TBC1D30: variants seen among roughly 807,000 people sequenced by gnomAD.
TBC1D30 encodes TBC1 domain family, member 30.
A neutral mutation model predicts 63.2 loss-of-function variants in TBC1D30; 31 were observed. The ratio of observed to expected loss-of-function variants is 0.49; its 90% CI spans 0.37 to 0.66. The LOEUF (loss-of-function observed/expected upper bound fraction) is 0.66, where lower values mean the gene tolerates loss of function less well. Among genes scored for constraint, TBC1D30 ranks in the 30% least tolerant of loss-of-function variants. The pLI is 0.00. For synonymous variants in TBC1D30, 307 were observed against 361.5 expected (o/e 0.85, Z 1.71); for missense variants, 810 against 953.6 (o/e 0.85, Z 1.98).
At chr12:64,827,319 C>T (rs1218779837) in intron 1 of TBC1D30, among the ~76,000 whole-genome samples, 2 of 152,122 alleles carry the variant, frequency 1.3e-5, no homozygotes, top group African/African-American at 2.4e-5. Context: ...CGTGGTAGCA[C>T]GTGCCTATAA....
rs189306082 is a variant in TBC1D30 at position 64,819,520 on chromosome 12, G to A, written c.644-8315G>A. Among the ~76,000 whole-genome samples, 1,184 of 146,432 alleles carry A rather than the reference G, an allele frequency of 8.1e-3. 20 individuals carry two copies. Among genetic ancestry groups the A allele is most frequent in the African/African-American group, 0.028 (1,104 of 39,874 alleles). ...CAAGCTCCGCCTCCCAGGTTCAAGC[G>A]ATTCTCCTGCCTCAGCCTCCCAAGT... On this transcript the variant is annotated intron_variant, in intron 2 of 12. Coordinates refer to the TBC1D30 transcript ENST00000542120.
intron 2 of TBC1D30, among the ~76,000 whole-genome samples, chr12:64,813,398 C>T (rs1481346085): frequency 6.6e-6 from 1 of 151,996 alleles, no homozygotes; most frequent in East Asian, 1.9e-4. Flanking sequence ...ACAACAACAA[C>T]AACAACAACA....
chr12:64,776,324 GT>G (rs1234816464), upstream of TBC1D30, among the ~76,000 whole-genome samples: 4 of 151,588 alleles, frequency 2.6e-5, no homozygotes, highest in Non-Finnish European at 4.4e-5. Context: ...CCAGGAGCTA[GT>G]TTTTTTTGAA....
At chr12:64,792,733 G>C (rs1395236894) in intron 2 of TBC1D30, among the ~76,000 whole-genome samples, 1 of 152,082 alleles carries the variant, frequency 6.6e-6, no homozygotes, top group Non-Finnish European at 1.5e-5. Flanking sequence ...ACCACACCCA[G>C]CTAATTTTTT....
At chr12:64,795,619 TG>T (rs1872207535) in intron 2 of TBC1D30, among the ~76,000 whole-genome samples, 1 of 152,176 alleles carries the variant, frequency 6.6e-6, no homozygotes, top group Admixed American at 6.5e-5. Flanking sequence ...CCTGTTAGTT[TG>T]GGATTTGGCT....
At position 64,876,662 on chromosome 12, in the gene TBC1D30, G is replaced by A; in HGVS notation, c.*874G>A. 2.5e-6 allele frequency: 1 copy of A among 401,918 alleles called. No individual in the cohort carries two copies. 24.9% of individuals were successfully genotyped at this position (401,918 alleles called of 1,614,324 possible). A position where few individuals can be genotyped will look rare whatever the true frequency, so the allele number is the denominator to read the frequency against. On this transcript the variant is annotated 3_prime_UTR_variant, in exon 12 of 12. Coordinates refer to ENST00000539867, the MANE Select transcript of TBC1D30 (RefSeq NM_015279.2). ...ACTCACCCACCAGCTCTAGACTGCA[G>A]ACGCACAAGGCCTCTGCTCAGAAGC...
intron 8 of TBC1D30, among the ~76,000 whole-genome samples, chr12:64,861,058 T>C (rs1405239587): frequency 6.6e-6 from 1 of 152,234 alleles, no homozygotes; most frequent in Non-Finnish European, 1.5e-5. Context: ...GGAACCACTT[T>C]GACACTGCTT....
intron 8 of TBC1D30, among the ~76,000 whole-genome samples, chr12:64,851,655 T>C (rs917867555): frequency 4.6e-5 from 7 of 152,304 alleles, no homozygotes; most frequent in African/African-American, 1.7e-4. Context: ...TTTACAGTGG[T>C]TGGTACCAGT....
intron 6 of TBC1D30, among the ~76,000 whole-genome samples, chr12:64,837,603 G>A (rs932992022): frequency 2.0e-5 from 3 of 152,162 alleles, no homozygotes; most frequent in African/African-American, 7.2e-5. Context: ...GGGAGTGGCT[G>A]TAAATACAGA....
intron 8 of TBC1D30, among the ~76,000 whole-genome samples, chr12:64,852,780 C>T (rs1391828309): frequency 1.3e-5 from 2 of 152,274 alleles, no homozygotes; most frequent in African/African-American, 4.8e-5. Context: ...GTTGGAGGTC[C>T]ACTCCAGACC....
At chr12:64,805,154 T>G (rs1392868885) in intron 2 of TBC1D30, among the ~76,000 whole-genome samples, 2 of 152,216 alleles carry the variant, frequency 1.3e-5, no homozygotes, top group African/African-American at 4.8e-5. Context: ...TAAGCTGAGA[T>G]CATGCCATTG....
chr12:64,781,540 G>A (rs1871289002), intron 1 of TBC1D30, among the ~76,000 whole-genome samples: 1 of 152,144 alleles, frequency 6.6e-6, no homozygotes, highest in Non-Finnish European at 1.5e-5. Flanking sequence ...CCCATCTCCC[G>A]GTGTGTTCGC....
intron 2 of TBC1D30, among the ~76,000 whole-genome samples, chr12:64,815,483 C>T (rs1470877615): frequency 2.6e-5 from 4 of 152,112 alleles, no homozygotes; most frequent in East Asian, 3.8e-4. Context: ...AAGAATCCTG[C>T]GTCTCTACTT....
At chr12:64,866,975 T>C (rs1388396715) in intron 10 of TBC1D30, 72 bp downstream of exon 10, 1 of 1,467,026 alleles carries the variant, frequency 6.8e-7, no homozygotes, top group Non-Finnish European at 9.1e-7. Context: ...TATTGTGTCC[T>C]ATAGATGCCC....
intron 7 of TBC1D30, among the ~76,000 whole-genome samples, chr12:64,839,535 T>C (rs1875656440): frequency 6.6e-6 from 1 of 152,214 alleles, no homozygotes; most frequent in African/African-American, 2.4e-5. Context: ...AGTGAAGTTT[T>C]TACCATTTCT....
intron 1 of TBC1D30, among the ~76,000 whole-genome samples, chr12:64,771,751 C>T (rs955154367): frequency 2.6e-5 from 4 of 152,124 alleles, no homozygotes. Flanking sequence ...TTTAAAAAAA[C>T]AACAACATAG....
At chr12:64,862,885 A>C (rs756193054) in intron 8 of TBC1D30, among the ~76,000 whole-genome samples, 4 of 152,098 alleles carry the variant, frequency 2.6e-5, no homozygotes, top group Admixed American at 6.5e-5. Flanking sequence ...GGTCAGATAG[A>C]GTTAGGGCAA....
intron 8 of TBC1D30, among the ~76,000 whole-genome samples, chr12:64,863,411 G>A (rs564711065): frequency 6.6e-6 from 1 of 152,324 alleles, no homozygotes; most frequent in South Asian, 2.1e-4. Flanking sequence ...TTGGGGCACA[G>A]TTTATTGTTA....
rs1387973775 is a variant in TBC1D30, at chr12:64,766,024, A to G, written c.-376+6375A>G. On this transcript the variant is annotated intron_variant, in intron 1 of 13. Coordinates refer to the TBC1D30 transcript ENST00000674237. Reference sequence around the variant, plus strand: ...GATACCCTGTCTCAAAAATAAATAAATACAAATAGAATCTATAACTGAATA... The same window carrying G: ...GATACCCTGTCTCAAAAATAAATAAGTACAAATAGAATCTATAACTGAATA... 2.0e-5 allele frequency among the ~76,000 whole-genome samples: 3 copies of G among 152,090 alleles called. No individual in the cohort carries two copies. In the East Asian group the frequency reaches 5.8e-4, roughly 29 times the overall value.
Sources: allele counts gnomAD v4.1 joint callset (sites outside exome capture counted in the v4.1 genomes callset), GRCh38; gene constraint gnomAD v4.1.1; transcripts MANE v1.5; gene names NCBI Gene and HGNC (gene_info 2026-07-23, HGNC 2026-07-21).